The following VPS9D1 variants were observed in gnomAD, a reference collection of about 807,000 sequenced individuals.
VPS9D1 encodes the protein VPS9 domain containing 1.
Under a neutral mutation model 75.8 loss-of-function variants are expected in VPS9D1, and 78 were observed. That is an observed-to-expected ratio of 1.03 (90% confidence interval 0.86 to 1.24). VPS9D1 has a LOEUF of 1.24. Among genes scored for constraint, VPS9D1 ranks in the 50% most tolerant of loss-of-function variants. The pLI, the probability that VPS9D1 is intolerant of heterozygous loss-of-function variation, is 0.00. For synonymous variants in VPS9D1, 481 were observed against 385.6 expected, an observed-to-expected ratio of 1.25 and a Z score of -2.90; for missense variants, 1,057 against 847.7, an observed-to-expected ratio of 1.25 and a Z score of -3.07.
chr16:89,719,401 A>G (rs2061180592), intron 1 of VPS9D1: 3 of 526,282 alleles, frequency 5.7e-6, no homozygotes, highest in East Asian at 9.4e-5. Flanking sequence ...TCTCCAGCAC[A>G]GGAACTGATA....
At chr16:89,718,614 G>C (rs1375078076) in intron 2 of VPS9D1, among the ~76,000 whole-genome samples, 1 of 152,196 alleles carries the variant, frequency 6.6e-6, no homozygotes, top group Non-Finnish European at 1.5e-5. Context: ...AAGGATACAA[G>C]AGACCCCCGC....
In VPS9D1 at chr16:89,707,908, C is replaced by A; in HGVS notation, c.1849G>T (p.Ala617Ser). 6.2e-7 allele frequency: 1 copy of A among 1,613,144 alleles called. No homozygotes were observed. ...EGYCLTSLQS[A>S]LSYVELLPRG... ...GGCAGCAGCTCCACGTAGCTCAGGG[C>A]ACTCTGCAGTGATGTGAGGCAGTAG... The change falls in exon 15 of 15, where the codon GCC becomes TCC. Residue 617 changes from alanine to serine, a missense_variant. Coordinates refer to ENST00000389386, the MANE Select transcript of VPS9D1 (RefSeq NM_004913.3).
chr16:89,712,898 T>G lies in VPS9D1; in HGVS notation c.432-182A>C. ...CTTGCCTGCCCTTCCAAAACACAGG[T>G]TTTGGCCAGGTGCAGTGGCTCCCGC... On this transcript the variant is annotated intron_variant, in intron 4 of 14. Coordinates refer to ENST00000389386, the MANE Select transcript of VPS9D1 (RefSeq NM_004913.3). 3.3e-5 allele frequency: 18 copies of G among 542,396 alleles called. 1 individual carries two copies. Among genetic ancestry groups the G allele is most frequent in the Middle Eastern group, 4.9e-4 (1 of 2,038 alleles). The allele number at this position is 542,396 out of a possible 1,614,324, so 33.6% of individuals were successfully genotyped here. A position where few individuals can be genotyped will look rare whatever the true frequency, so the allele number is the denominator to read the frequency against.
At chr16:89,712,575 A>G in intron 5 of VPS9D1, 30 bp downstream of exon 5, 1 of 1,606,938 alleles carries the variant, frequency 6.2e-7, no homozygotes, top group Non-Finnish European at 8.5e-7. Context: ...GCGCCCACGC[A>G]CCCCCAGGCC....
At chr16:89,716,106 G>T (rs969535432) in intron 4 of VPS9D1, among the ~76,000 whole-genome samples, 1 of 151,838 alleles carries the variant, frequency 6.6e-6, no homozygotes, top group African/African-American at 2.4e-5. Context: ...GGTGACTCAC[G>T]CTGTAATCCC....
intron 4 of VPS9D1, among the ~76,000 whole-genome samples, chr16:89,713,380 G>A (rs1341634218): frequency 1.3e-5 from 2 of 151,310 alleles, no homozygotes; most frequent in South Asian, 4.2e-4. Context: ...TCAGCCTCCT[G>A]AGTAGCTGGG....
At chr16:89,709,718 T>C in intron 11 of VPS9D1, 59 bp downstream of exon 11, 3 of 1,610,174 alleles carry the variant, frequency 1.9e-6, no homozygotes, top group African/African-American at 1.3e-5. Flanking sequence ...GCAGGCCTCC[T>C]GGGGGACTGG....
chr16:89,710,020 C>T, intron 10 of VPS9D1, 114 bp from the exon 11 acceptor site: 1 of 1,419,784 alleles, frequency 7.0e-7, no homozygotes, highest in Non-Finnish European at 9.4e-7. Context: ...CGCCTTCAAG[C>T]CTCCTGCACC....
chr16:89,710,591 G>A lies in VPS9D1; in HGVS notation c.1253C>T (p.Ala418Val), dbSNP rs372323638. 6.3e-7 allele frequency: 1 copy of A among 1,596,898 alleles called. No homozygotes were observed. The highest frequency in any genetic ancestry group is 1.3e-5 in the African/African-American group (1 of 74,622). The change falls in exon 10 of 15, where the codon GCC (alanine) becomes GTC (valine). Residue 418 changes from alanine (A) to valine (V), a missense_variant. Physicochemically the swap from Ala to Val is moderately conservative, Grantham distance 64 (BLOSUM62 0). Coordinates refer to ENST00000389386, the MANE Select transcript of VPS9D1 (RefSeq NM_004913.3). ...CAGGGAGGGCCTGGCCTCACCTACG[G>A]CATTGTGGATCTCCTCCACCGCGGT... ...LKTAVEEIHNAVDRLLSLTLL... is the reference protein window; with the variant it reads ...LKTAVEEIHNVVDRLLSLTLL...
intron 11 of VPS9D1, 86 bp from the exon 12 acceptor site, chr16:89,709,521 G>A (rs1397542660): frequency 7.1e-7 from 1 of 1,403,028 alleles, no homozygotes; most frequent in Admixed American, 2.8e-5. Context: ...CTCAGTCCTG[G>A]AGAAAACTGG....
intron 2 of VPS9D1, chr16:89,717,317 C>T (rs1046790897): frequency 1.1e-5 from 4 of 348,838 alleles, no homozygotes; most frequent in Admixed American, 3.8e-5. Flanking sequence ...GCCTTTAGTG[C>T]TCACTCAGCT....
At chr16:89,714,258 C>A (rs1171454546) in intron 4 of VPS9D1, among the ~76,000 whole-genome samples, 7 of 151,810 alleles carry the variant, frequency 4.6e-5, no homozygotes, top group Non-Finnish European at 7.4e-5. Flanking sequence ...TTTTTTTAAG[C>A]TCATCGGCTG....
Position 89,720,809 on chromosome 16 carries a change from T to C in VPS9D1, c.53A>G (p.Lys18Arg). 6.9e-7 allele frequency: 1 copy of C among 1,459,100 alleles called. No homozygotes were observed. Among genetic ancestry groups the C allele is most frequent in the Non-Finnish European group, 9.1e-7 (1 of 1,102,128 alleles). The allele number at this position is 1,459,100 out of a possible 1,614,324, so 90.4% of individuals were successfully genotyped here. A position where few individuals can be genotyped will look rare whatever the true frequency, so the allele number is the denominator to read the frequency against. Reference sequence around the variant, plus strand: ...CAGCTCGATGGCCCCGTTGGCAAGCTTCATGGCGCTCTGCAGCGGCTTCAC... The same window carrying C: ...CAGCTCGATGGCCCCGTTGGCAAGCCTCATGGCGCTCTGCAGCGGCTTCAC... ...GTVKPLQSAM[K>R]LANGAIELDT... The change falls in exon 1 of 15, where the codon AAG (lysine) becomes AGG (arginine). Residue 18 changes from lysine to arginine, a missense_variant. Lys to Arg is a conservative substitution (Grantham distance 26). Coordinates refer to ENST00000389386, the MANE Select transcript of VPS9D1 (RefSeq NM_004913.3).
At chr16:89,720,281 C>T in intron 1 of VPS9D1, 1 of 529,432 alleles carries the variant, frequency 1.9e-6, no homozygotes, top group East Asian at 1.5e-4. Flanking sequence ...TCGGCCCCAT[C>T]TCAGGAACGG....
chr16:89,716,918 C>T (rs1372087683), intron 2 of VPS9D1, 96 bp from the exon 3 acceptor site: 2 of 1,185,744 alleles, frequency 1.7e-6, no homozygotes, highest in African/African-American at 1.6e-5. Context: ...GGCAAGCCCA[C>T]TGCCCCCCTC....
intron 2 of VPS9D1, among the ~76,000 whole-genome samples, chr16:89,718,613 A>G (rs1050650078): frequency 1.3e-5 from 2 of 152,210 alleles, no homozygotes; most frequent in African/African-American, 4.8e-5. Flanking sequence ...GAAGGATACA[A>G]GAGACCCCCG....
At chr16:89,717,666 C>A (rs1320572530) in intron 2 of VPS9D1, 1 of 456,446 alleles carries the variant, frequency 2.2e-6, no homozygotes, top group Non-Finnish European at 4.4e-6. Context: ...CCCGTCCCCA[C>A]CTTGCCAGAC....
At chr16:89,718,119 A>ATTAG in intron 2 of VPS9D1, 1 of 450,920 alleles carries the variant, frequency 2.2e-6, no homozygotes, top group Non-Finnish European at 4.5e-6. Flanking sequence ...TCCTTTGTGC[A>ATTAG]GCGGCTGCTG....
In VPS9D1 at chr16:89,712,170, C is replaced by T. The variant is rs2060947528; in HGVS notation, c.607-71G>A. ...TCGGTTCCCAACCCCGTCCCACACC[C>T]GGAGAGGCCGGGACGTCCCAGGGAC... is the stretch of plus-strand genomic sequence containing the variant. On this transcript the variant is annotated intron_variant, in intron 6 of 14. Coordinates refer to ENST00000389386, the MANE Select transcript of VPS9D1 (RefSeq NM_004913.3). 6 of 1,542,064 alleles carry T rather than the reference C, an allele frequency of 3.9e-6. No individual in the cohort carries two copies. In the Admixed American group the frequency reaches 5.9e-5, roughly 15 times the overall value.
Sources: allele counts gnomAD v4.1 joint callset (sites outside exome capture counted in the v4.1 genomes callset), GRCh38; gene constraint gnomAD v4.1.1; transcripts MANE v1.5; gene names NCBI Gene and HGNC (gene_info 2026-07-23, HGNC 2026-07-21).